Variants in ZBTB5 observed in about 807,000 individuals in gnomAD.
The protein encoded by ZBTB5 is zinc finger and BTB domain-containing protein 5.
Under a neutral mutation model 37.9 loss-of-function variants are expected in ZBTB5, and 15 were observed. That is an observed-to-expected ratio of 0.40 (90% CI 0.26 to 0.61). ZBTB5 has a LOEUF of 0.61. ZBTB5 is among the 20% of genes least tolerant of loss of function. The pLI is 0.47. For synonymous variants in ZBTB5, 315 were observed against 312.4 expected (o/e 1.01, Z -0.09); for missense variants, 708 against 856.8 (o/e 0.83, Z 2.17).
rs1243399666 is a variant in ZBTB5 at position 37,438,629 on chromosome 9, C to T, written c.*1889G>A. 6.6e-6 allele frequency: 1 copy of T among 152,356 alleles called. No individual in the cohort carries two copies. Among genetic ancestry groups the T allele is most frequent in the Non-Finnish European group, 1.5e-5 (1 of 68,134 alleles). The allele number at this position is 152,356 out of a possible 1,614,324, so 9.4% of individuals were successfully genotyped here. On this transcript the variant is annotated 3_prime_UTR_variant, in exon 2 of 2. Coordinates refer to ENST00000307750, the MANE Select transcript of ZBTB5 (RefSeq NM_014872.3). ...CGCTCTGCCTGTGTCACTGGCTCCT[C>T]TCCCTGGGTCCAGGCAGGGCCTCTC...
intron 1 of ZBTB5, among the ~76,000 whole-genome samples, chr9:37,447,167 G>A (rs570942373): frequency 7.2e-5 from 11 of 152,342 alleles, no homozygotes; most frequent in Non-Finnish European, 1.2e-4. Context: ...TACAATCATG[G>A]TGGAAGGCAA....
At chr9:37,465,160 C>T (rs1419257588) in intron 1 of ZBTB5, 55 bp downstream of exon 1, 1 of 152,364 alleles carries the variant, frequency 6.6e-6, no homozygotes. Context: ...GGTGCTCAAC[C>T]TTCCCCACGT....
intron 1 of ZBTB5, among the ~76,000 whole-genome samples, chr9:37,454,846 T>C (rs781507541): frequency 3.9e-5 from 6 of 152,240 alleles, no homozygotes; most frequent in Non-Finnish European, 8.8e-5. Context: ...ATCCACACAG[T>C]TGTCACCTGC....
At chr9:37,444,259 C>T (rs1823936243) in intron 1 of ZBTB5, among the ~76,000 whole-genome samples, 1 of 152,074 alleles carries the variant, frequency 6.6e-6, no homozygotes, top group Admixed American at 6.6e-5. Context: ...AGTACAGTGG[C>T]GCAATGTCGG....
At chr9:37,455,541 G>C (rs1286330417) in intron 1 of ZBTB5, among the ~76,000 whole-genome samples, 1 of 152,216 alleles carries the variant, frequency 6.6e-6, no homozygotes, top group Non-Finnish European at 1.5e-5. Flanking sequence ...GGCTTCGGGA[G>C]CTGCAGGCAC....
chr9:37,445,281 C>T (rs1160971900), intron 1 of ZBTB5, among the ~76,000 whole-genome samples: 1 of 152,014 alleles, frequency 6.6e-6, no homozygotes, highest in Non-Finnish European at 1.5e-5. Context: ...CTTCACTTTC[C>T]TTATTAATCT....
At chr9:37,461,278 TA>T (rs1271756842) in intron 1 of ZBTB5, among the ~76,000 whole-genome samples, 2 of 152,232 alleles carry the variant, frequency 1.3e-5, no homozygotes, top group Non-Finnish European at 2.9e-5. Flanking sequence ...ATAAGGACTA[TA>T]AAGGTGAAAG....
At position 37,438,724 on chromosome 9, in the gene ZBTB5, A is replaced by AG. The variant is rs1188959845; in HGVS notation, c.*1793dup. 1 of 152,268 alleles carries AG rather than the reference A, an allele frequency of 6.6e-6. No homozygotes were observed. Among genetic ancestry groups the AG allele is most frequent in the Non-Finnish European group, 1.5e-5 (1 of 68,060 alleles). The allele number at this position is 152,268 out of a possible 1,614,324, so 9.4% of individuals were successfully genotyped here. ...AGACACTGGTCCCTACATCATGTAAAGGGTGGATGGGGAGCCTCCTAACAC... is the reference window on the plus strand; with the variant it reads ...AGACACTGGTCCCTACATCATGTAAAGGGGTGGATGGGGAGCCTCCTAACAC... On this transcript the variant is annotated 3_prime_UTR_variant, in exon 2 of 2. Coordinates refer to ENST00000307750, the MANE Select transcript of ZBTB5 (RefSeq NM_014872.3).
At chr9:37,442,648 C>A in intron 1 of ZBTB5, 93 bp from the exon 2 acceptor site, 1 of 1,009,476 alleles carries the variant, frequency 9.9e-7, no homozygotes, top group Non-Finnish European at 1.4e-6. Context: ...AATGGATGGC[C>A]AAGCTTGGAC....
At chr9:37,455,890 T>A (rs1450379342) in intron 1 of ZBTB5, among the ~76,000 whole-genome samples, 1 of 151,830 alleles carries the variant, frequency 6.6e-6, no homozygotes, top group Non-Finnish European at 1.5e-5. Context: ...AGGCTGCTTT[T>A]GAACTCCAGC....
At chr9:37,445,643 CAA>C (rs762452347) in intron 1 of ZBTB5, among the ~76,000 whole-genome samples, 6 of 103,876 alleles carry the variant, frequency 5.8e-5, no homozygotes, top group African/African-American at 3.7e-5. Context: ...GAGACCCTGT[CAA>C]AAAAAAAAAA....
chr9:37,462,645 C>A (rs1824316007), intron 1 of ZBTB5, among the ~76,000 whole-genome samples: 1 of 150,874 alleles, frequency 6.6e-6, no homozygotes, highest in African/African-American at 2.4e-5. Context: ...CTCAATGCAA[C>A]TTCTGCCTCC....
Position 37,442,397 on chromosome 9 carries a change from A to G in ZBTB5, c.155T>C (p.Leu52Pro), listed in dbSNP as rs1453658964. 1 of 1,614,168 alleles carries G rather than the reference A, an allele frequency of 6.2e-7. No homozygotes were observed. The highest frequency in any genetic ancestry group is 1.1e-5 in the South Asian group (1 of 91,078). ...CTGATCTCCTTCTGCCACTGAGAAC[A>G]GGGCTCGGAAATGCGTGCTGCATGC... The part of the protein sequence containing the change: ...LAACSTHFRA[L>P]FSVAEGDQTM... Residue 52 changes from leucine to proline, a missense_variant, in exon 2 of 2, where the codon CTG (leucine) becomes CCG (proline). Around this residue, in one of 3 missense-constraint regions of ZBTB5, gnomAD observed 639 missense variants for 690.5 expected, o/e 0.93. Coordinates refer to ENST00000307750, the MANE Select transcript of ZBTB5 (RefSeq NM_014872.3).
intron 1 of ZBTB5, among the ~76,000 whole-genome samples, chr9:37,444,899 C>A (rs1260470700): frequency 6.6e-6 from 1 of 151,982 alleles, no homozygotes; most frequent in African/African-American, 2.4e-5. Context: ...GGCAGCAGGC[C>A]TGGAGAGCAA....
chr9:37,447,835 G>T (rs1413933813), intron 1 of ZBTB5, among the ~76,000 whole-genome samples: 2 of 146,094 alleles, frequency 1.4e-5, no homozygotes, highest in African/African-American at 2.5e-5. Context: ...ATAAGCAAAA[G>T]AACTTATATG....
chr9:37,456,728 T>C (rs1192761085), intron 1 of ZBTB5, among the ~76,000 whole-genome samples: 1 of 152,232 alleles, frequency 6.6e-6, no homozygotes, highest in Non-Finnish European at 1.5e-5. Context: ...AACAGCTTAT[T>C]GAGGGCAGGA....
In ZBTB5 at chr9:37,441,252, T is replaced by A. The variant is rs764579900; in HGVS notation, c.1300A>T (p.Thr434Ser). 4 of 1,614,180 alleles carry A rather than the reference T, an allele frequency of 2.5e-6. No individual in the cohort carries two copies. In the Admixed American group the frequency reaches 5.0e-5, roughly 20 times the overall value. The stretch of plus-strand genomic sequence containing the variant: ...CTCTCCAGCCTGCAGTCACTAGTGG[T>A]GTTTGGAATATTATCATCATTGTTC... ...NQNNDDNIPNTTSDCRLESEA... is the reference protein window; with the variant it reads ...NQNNDDNIPNSTSDCRLESEA... Residue 434 changes from threonine (T) to serine (S), a missense_variant, in exon 2 of 2, where the codon ACC becomes TCC. Transcript: ENST00000307750.
chr9:37,456,875 A>C (rs1336979168), intron 1 of ZBTB5, among the ~76,000 whole-genome samples: 3 of 152,266 alleles, frequency 2.0e-5, no homozygotes, highest in African/African-American at 7.2e-5. Flanking sequence ...ACTATCTCTA[A>C]AATCAGCCAA....
In ZBTB5 at chr9:37,460,330, G is replaced by A. The variant is rs1163384998; in HGVS notation, c.-5+4885C>T. Among the ~76,000 whole-genome samples the A allele has an allele frequency of 5.3e-5, 8 of 152,088 alleles. No homozygotes were observed. The South Asian group carries it at 1.0e-3, about 20-fold the overall frequency. ...TGCATGCCTGTAATCCCAGCTACTCGGGGGCTGAGGCAGGAGAATCGCTTG... is the reference window on the plus strand; with the variant it reads ...TGCATGCCTGTAATCCCAGCTACTCAGGGGCTGAGGCAGGAGAATCGCTTG... On this transcript the variant is annotated intron_variant, in intron 1 of 1. Coordinates refer to ENST00000307750, the MANE Select transcript of ZBTB5 (RefSeq NM_014872.3).
Sources: gnomAD v4.1 joint callset for allele counts (sites outside exome capture counted in the v4.1 genomes callset) on GRCh38, gnomAD v4.1.1 for gene constraint, gnomAD v4.1.1 regional missense constraint, MANE v1.5 for transcripts, NCBI Gene and HGNC (gene_info 2026-07-23, HGNC 2026-07-21) for gene names.